GLB1: variants seen among roughly 807,000 people sequenced by gnomAD.
GLB1 encodes the protein beta-galactosidase.
Under a neutral mutation model 74.0 loss-of-function variants are expected in GLB1, and 56 were observed. The observed-to-expected ratio is 0.76, with a 90% CI of 0.61 to 0.94. GLB1 has a LOEUF of 0.94. Among genes scored for constraint, GLB1 ranks in the 40% least tolerant of loss-of-function variants. The pLI is 0.00. For synonymous variants in GLB1, 323 were observed against 323.6 expected (o/e 1.00, Z 0.02); for missense variants, 787 against 845.5 (o/e 0.93, Z 0.86).
intron 7 of GLB1, among the ~76,000 whole-genome samples, 184 bp from the exon 8 acceptor site, chr3:33,052,188 G>C (rs1399142419): frequency 1.3e-5 from 2 of 152,124 alleles, no homozygotes; most frequent in Non-Finnish European, 2.9e-5. Flanking sequence ...TCAGTCCTCA[G>C]GTTCTAACCT....
rs1222326938 is a variant in GLB1 at position 32,997,164 on chromosome 3, C to T, written c.1915G>A (p.Val639Met). 1.1e-5 allele frequency: 17 copies of T among 1,613,996 alleles called. No individual in the cohort carries two copies. Among genetic ancestry groups the T allele is most frequent in the Middle Eastern group, 3.3e-4 (2 of 6,084 alleles). Residue 639 changes from valine to methionine, a missense_variant, in exon 16 of 16, where the codon GTG becomes ATG. By Grantham distance (21) the Val-to-Met change is conservative. Coordinates refer to ENST00000307363, the MANE Select transcript of GLB1 (RefSeq NM_000404.4). ...DDPELCAVTF[V>M]DRPVIGSSVT... is the part of the protein sequence containing the mutation. ...GATGAGCCAATAACTGGCCTGTCCA[C>T]GAACGTCACAGCACATAGTTCTGGA...
chr3:33,060,961 T>C (rs1699417869), intron 5 of GLB1, among the ~76,000 whole-genome samples: 3 of 152,054 alleles, frequency 2.0e-5, no homozygotes, highest in Non-Finnish European at 2.9e-5. Context: ...TCTACTCAAG[T>C]TCTATGTTAC....
At chr3:33,052,232 C>T (rs1699024610) in intron 7 of GLB1, among the ~76,000 whole-genome samples, 1 of 152,164 alleles carries the variant, frequency 6.6e-6, no homozygotes, top group Non-Finnish European at 1.5e-5. Context: ...TGCAAGTATT[C>T]CTGAAAAGTG....
At chr3:33,011,773 C>A (rs1697039528) in intron 15 of GLB1, among the ~76,000 whole-genome samples, 1 of 152,160 alleles carries the variant, frequency 6.6e-6, no homozygotes, top group African/African-American at 2.4e-5. Flanking sequence ...TTTGCCTTCT[C>A]CTCCTCCAGC....
the GLB1 span, among the ~76,000 whole-genome samples, chr3:32,969,335 A>G: frequency 9.9e-5 from 15 of 152,180 alleles, no homozygotes; most frequent in Non-Finnish European, 2.9e-5. Context: ...TTGCATGTTC[A>G]TGAGGCTATT....
chr3:33,087,058 T>C (rs1559419035), intron 1 of GLB1, among the ~76,000 whole-genome samples: 1 of 148,114 alleles, frequency 6.8e-6, no homozygotes, highest in African/African-American at 2.5e-5. Flanking sequence ...AAAAAGAAGA[T>C]ATAAATAAAT....
intron 3 of GLB1, among the ~76,000 whole-genome samples, chr3:33,068,501 G>A (rs1222378682): frequency 6.6e-6 from 1 of 152,190 alleles, no homozygotes; most frequent in East Asian, 1.9e-4. Context: ...AATGTTTTAA[G>A]GACCAAAGCC....
the GLB1 span, among the ~76,000 whole-genome samples, chr3:32,984,955 A>T: frequency 6.7e-6 from 1 of 149,276 alleles, no homozygotes; most frequent in African/African-American, 2.5e-5. Flanking sequence ...AAAAAAAAAA[A>T]TTAGCCTGGT....
At chr3:33,076,531 A>G (rs983240530) in intron 1 of GLB1, among the ~76,000 whole-genome samples, 1 of 152,298 alleles carries the variant, frequency 6.6e-6, no homozygotes, top group Middle Eastern at 3.4e-3. Flanking sequence ...GGTGGTGACA[A>G]TGAGGTGGGC....
intron 10 of GLB1, among the ~76,000 whole-genome samples, chr3:33,035,044 A>G (rs1698211231): frequency 6.6e-6 from 1 of 152,182 alleles, no homozygotes; most frequent in Non-Finnish European, 1.5e-5. Flanking sequence ...TCACTAAATA[A>G]AGTCATATTG....
chr3:32,964,800 CATCTT>C, the GLB1 span, among the ~76,000 whole-genome samples: 1 of 152,188 alleles, frequency 6.6e-6, no homozygotes, highest in South Asian at 2.1e-4. Flanking sequence ...ACCCAAATCT[CATCTT>C]GAACTGTAGC....
chr3:33,057,552 T>C (rs1488790920), intron 6 of GLB1, among the ~76,000 whole-genome samples: 1 of 152,206 alleles, frequency 6.6e-6, no homozygotes, highest in Non-Finnish European at 1.5e-5. Flanking sequence ...GCATAGCCTT[T>C]GTAGCATCTG....
intron 2 of GLB1, among the ~76,000 whole-genome samples, chr3:33,069,882 T>TG (rs1427412453): frequency 8.5e-5 from 13 of 152,174 alleles, no homozygotes; most frequent in Admixed American, 7.2e-4. Flanking sequence ...TTGCGTGTCA[T>TG]GGGGGTTTGG....
chr3:33,092,742 A>G, intron 1 of GLB1: 1 of 1,506,850 alleles, frequency 6.6e-7, no homozygotes, highest in Non-Finnish European at 8.8e-7. Context: ...ATGAGTGGGC[A>G]AGGCTGGAGG....
intron 6 of GLB1, among the ~76,000 whole-genome samples, chr3:33,054,385 G>A (rs1210551421): frequency 1.3e-5 from 2 of 152,104 alleles, no homozygotes; most frequent in African/African-American, 4.8e-5. Flanking sequence ...TCCTCTCTGA[G>A]GAGGTCCCCG....
At chr3:32,988,806 A>G in the GLB1 span, among the ~76,000 whole-genome samples, 3 of 152,056 alleles carry the variant, frequency 2.0e-5, no homozygotes, top group Non-Finnish European at 4.4e-5. Flanking sequence ...ATAGAAAGCT[A>G]GATAAAACTA....
chr3:32,992,379 G>C (rs538364196), downstream of GLB1, among the ~76,000 whole-genome samples: 2 of 152,316 alleles, frequency 1.3e-5, no homozygotes, highest in South Asian at 2.1e-4. Context: ...AGCATCCTAG[G>C]TGTCATTTCT....
At chr3:33,029,967 A>G (rs896491821) in intron 10 of GLB1, 2 of 151,922 alleles carry the variant, frequency 1.3e-5, no homozygotes, top group Admixed American at 1.3e-4. Context: ...AAAAAAAAAA[A>G]AAAAGAAAAG....
chr3:32,974,380 T>A, the GLB1 span, among the ~76,000 whole-genome samples: 3 of 152,236 alleles, frequency 2.0e-5, no homozygotes, highest in East Asian at 5.8e-4. Context: ...TGCTCTGTAT[T>A]AGGGTTCTCC....
Sources: gnomAD v4.1 joint callset for allele counts (sites outside exome capture counted in the v4.1 genomes callset) on GRCh38, gnomAD v4.1.1 for gene constraint, MANE v1.5 for transcripts, NCBI Gene and HGNC (gene_info 2026-07-23, HGNC 2026-07-21) for gene names.